NCK2: variants seen among roughly 807,000 people sequenced by gnomAD.
The protein encoded by NCK2 is NCK adaptor protein 2, also known as cytoplasmic protein NCK2.
Under a neutral mutation model 33.9 loss-of-function variants are expected in NCK2, and 16 were observed. That is an observed-to-expected ratio of 0.47 (90% confidence interval 0.32 to 0.72). NCK2 has a LOEUF of 0.72. Among genes scored for constraint, NCK2 ranks in the 30% least tolerant of loss-of-function variants. The pLI is 0.03. For missense variants in NCK2, 418 were observed against 537.3 expected, an observed-to-expected ratio of 0.78 and a Z score of 2.19; for synonymous variants, 273 against 239.9, an observed-to-expected ratio of 1.14 and a Z score of -1.27.
chr2:105,809,778 G>A (rs1006768801), intron 1 of NCK2, among the ~76,000 whole-genome samples: 7 of 152,322 alleles, frequency 4.6e-5, no homozygotes, highest in Middle Eastern at 6.8e-3. Context: ...GGAGGGAAGA[G>A]CGTTTAACTG....
intron 1 of NCK2, among the ~76,000 whole-genome samples, chr2:105,808,592 C>T (rs1284683969): frequency 1.3e-5 from 2 of 152,120 alleles, no homozygotes; most frequent in African/African-American, 4.8e-5. Flanking sequence ...CTGGGGAGCA[C>T]GTGAAAAACA....
chr2:105,752,722 T>C (rs115064093), intron 1 of NCK2, among the ~76,000 whole-genome samples: 296 of 152,354 alleles, frequency 1.9e-3, no homozygotes, highest in Non-Finnish European at 3.8e-3. Context: ...TCTGGTTCCG[T>C]CTGGATAATG....
chr2:105,773,265 T>TG (rs1457756750), intron 1 of NCK2, among the ~76,000 whole-genome samples: 1 of 152,004 alleles, frequency 6.6e-6, no homozygotes, highest in African/African-American at 2.4e-5. Context: ...CATCAGCAAT[T>TG]GCAGTTGTTT....
chr2:105,855,984 A>G (rs886821270), intron 3 of NCK2, among the ~76,000 whole-genome samples: 3 of 152,076 alleles, frequency 2.0e-5, no homozygotes, highest in Non-Finnish European at 1.5e-5. Flanking sequence ...ACAGGCACCC[A>G]CCACCACATC....
intron 1 of NCK2, among the ~76,000 whole-genome samples, chr2:105,757,096 C>T (rs1219376785): frequency 1.3e-5 from 2 of 152,294 alleles, no homozygotes; most frequent in Admixed American, 6.5e-5. Context: ...TGAGCCACCG[C>T]GCCTGGCCCC....
intron 1 of NCK2, among the ~76,000 whole-genome samples, chr2:105,751,843 A>T (rs1308253959): frequency 6.6e-6 from 1 of 152,350 alleles, no homozygotes; most frequent in Middle Eastern, 3.4e-3. Flanking sequence ...TGGATTGTCA[A>T]GAGCAGTGCT....
intron 1 of NCK2, among the ~76,000 whole-genome samples, chr2:105,775,750 A>G (rs1177157234): frequency 6.6e-6 from 1 of 151,858 alleles, no homozygotes; most frequent in African/African-American, 2.4e-5. Context: ...TGGGAGCACC[A>G]CACCTCCCGG....
chr2:105,892,261 A>G (rs1679020092), intron 4 of NCK2, among the ~76,000 whole-genome samples: 1 of 152,234 alleles, frequency 6.6e-6, no homozygotes. Context: ...TAAAATTTCT[A>G]GCTACTGCCT....
At chr2:105,744,871 C>CCGCCGCCGT (rs1689212382), upstream of NCK2, 1 of 159,800 alleles carries the variant, frequency 6.3e-6, no homozygotes, top group Admixed American at 6.8e-5. Flanking sequence ...AGGGTCGCCG[C>CCGCCGCCGT]CGCCGCCGCC....
chr2:105,884,261 C>A (rs568362115), intron 4 of NCK2, among the ~76,000 whole-genome samples: 2 of 152,172 alleles, frequency 1.3e-5, no homozygotes, highest in Non-Finnish European at 2.9e-5. Flanking sequence ...TGCCTCCCCC[C>A]GTCCCCATGT....
rs57857814 is a variant in NCK2 at position 105,780,325 on chromosome 2, T to TACAC, written c.-201+35223_-201+35226dup. ...TTCCATAATATGGGAGAGAGATATA[T>TACAC]ACACACACACACACACACACACACA... is the stretch of plus-strand genomic sequence containing the variant. On this transcript the variant is annotated intron_variant, in intron 1 of 4. Transcript: ENST00000233154. 4.5e-3 allele frequency among the ~76,000 whole-genome samples: 666 copies of TACAC among 147,450 alleles called. 5 individuals are homozygous for TACAC. The highest frequency in any genetic ancestry group is 7.2e-3 in the East Asian group (36 of 5,028).
At chr2:105,760,392 C>T (rs1429013074) in intron 1 of NCK2, among the ~76,000 whole-genome samples, 5 of 152,174 alleles carry the variant, frequency 3.3e-5, no homozygotes, top group South Asian at 2.1e-4. Flanking sequence ...TCCTGTTGCA[C>T]GAGTTCCCCA....
intron 1 of NCK2, among the ~76,000 whole-genome samples, chr2:105,807,211 T>TA (rs1675078841): frequency 6.6e-6 from 1 of 152,216 alleles, no homozygotes; most frequent in Non-Finnish European, 1.5e-5. Flanking sequence ...CTCTGGGTGT[T>TA]ACTGTCCTGT....
chr2:105,853,310 A>G (rs1010298116), intron 2 of NCK2, among the ~76,000 whole-genome samples: 2 of 152,226 alleles, frequency 1.3e-5, no homozygotes, highest in African/African-American at 4.8e-5. Context: ...TTATTCAGCC[A>G]CACTTTTGCT....
chr2:105,748,942 AG>A (rs910967783), intron 1 of NCK2, among the ~76,000 whole-genome samples: 1 of 152,190 alleles, frequency 6.6e-6, no homozygotes, highest in African/African-American at 2.4e-5. Flanking sequence ...CTACTGTGGA[AG>A]GCTTTGACCT....
chr2:105,806,528 A>G (rs1054653196), intron 1 of NCK2, among the ~76,000 whole-genome samples: 1 of 151,622 alleles, frequency 6.6e-6, no homozygotes, highest in Non-Finnish European at 1.5e-5. Context: ...GTGAGCCACC[A>G]CTCCCGGCCA....
chr2:105,786,020 C>G (rs1231894609), intron 1 of NCK2, among the ~76,000 whole-genome samples: 5 of 152,190 alleles, frequency 3.3e-5, no homozygotes, highest in African/African-American at 1.2e-4. Flanking sequence ...CTTTGCCCAT[C>G]TGTCAATTTT....
intron 2 of NCK2, among the ~76,000 whole-genome samples, chr2:105,840,153 T>C (rs1676586618): frequency 6.6e-6 from 1 of 152,044 alleles, no homozygotes; most frequent in Non-Finnish European, 1.5e-5. Context: ...GGGAATGTAA[T>C]CACAATATGG....
chr2:105,808,343 G>T (rs1312060775), intron 1 of NCK2, among the ~76,000 whole-genome samples: 1 of 152,212 alleles, frequency 6.6e-6, no homozygotes. Flanking sequence ...GTCTTCAAAA[G>T]GGCCATGGAC....
Sources: gnomAD v4.1 joint callset for allele counts (sites outside exome capture counted in the v4.1 genomes callset) on GRCh38, gnomAD v4.1.1 for gene constraint, MANE v1.5 for transcripts, NCBI Gene and HGNC (gene_info 2026-07-23, HGNC 2026-07-21) for gene names.